The following EYS variants were observed in gnomAD, a reference collection of about 807,000 sequenced individuals.
The protein encoded by EYS is protein eyes shut homolog.
EYS carries 250 observed loss-of-function variants against 282.1 expected under a neutral mutation model. The observed-to-expected ratio is 0.89, with a 90% confidence interval of 0.80 to 0.98. The LOEUF (loss-of-function observed/expected upper bound fraction) is 0.98. EYS is among the 50% of genes least tolerant of loss of function. The probability of loss-of-function intolerance (pLI) is 0.00; values close to 1 mark genes in which losing one functional copy is unlikely to be tolerated. For missense variants in EYS, 4,016 were observed against 3,709.0 expected (o/e 1.08, Z -2.15); for synonymous variants, 1,355 against 1,282.9 (o/e 1.06, Z -1.20).
intron 2 of EYS, among the ~76,000 whole-genome samples, chr6:65,632,191 C>T (rs572698359): frequency 6.6e-6 from 1 of 152,130 alleles, no homozygotes; most frequent in Non-Finnish European, 1.5e-5. Flanking sequence ...ATGAAAGTGC[C>T]TGTTACAATG....
intron 22 of EYS, among the ~76,000 whole-genome samples, chr6:64,723,837 G>A (rs929992801): frequency 5.3e-5 from 8 of 152,068 alleles, no homozygotes; most frequent in African/African-American, 1.9e-4. Flanking sequence ...TTAACTCTAT[G>A]TTCCTAGTGA....
At chr6:64,902,003 T>C (rs1269507478) in intron 18 of EYS, 110 bp downstream of exon 18, 2 of 683,590 alleles carry the variant, frequency 2.9e-6, no homozygotes, top group Non-Finnish European at 4.9e-6. Flanking sequence ...CAAGCACAAA[T>C]GTATCAGTGG....
chr6:63,929,394 T>C (rs1764819142), intron 35 of EYS, among the ~76,000 whole-genome samples: 1 of 152,188 alleles, frequency 6.6e-6, no homozygotes, highest in Non-Finnish European at 1.5e-5. Context: ...AAGAAGCAAC[T>C]GATGGAGTGT....
intron 31 of EYS, among the ~76,000 whole-genome samples, chr6:64,198,954 G>T (rs892399198): frequency 6.6e-6 from 1 of 152,156 alleles, no homozygotes; most frequent in African/African-American, 2.4e-5. Flanking sequence ...CAGTGTAAAA[G>T]CGTTCCTATT....
At chr6:63,923,642 G>A (rs945526264) in intron 35 of EYS, among the ~76,000 whole-genome samples, 2 of 152,112 alleles carry the variant, frequency 1.3e-5, no homozygotes, top group Non-Finnish European at 1.5e-5. Flanking sequence ...GGTATATTGC[G>A]TGATGCTGAG....
chr6:65,466,400 G>A (rs68048471), intron 5 of EYS, among the ~76,000 whole-genome samples: 28,364 of 151,938 alleles, frequency 0.19, 3,279 homozygotes, highest in Middle Eastern at 0.3. Context: ...AATATAATAT[G>A]TACCATTTAT....
chr6:63,930,436 A>AT (rs748734896), intron 35 of EYS, among the ~76,000 whole-genome samples: 53 of 152,306 alleles, frequency 3.5e-4, no homozygotes, highest in Non-Finnish European at 6.5e-4. Flanking sequence ...ATTTAAATGC[A>AT]TCCTGCATAG....
At chr6:65,682,075 T>C (rs774999192) in intron 1 of EYS, among the ~76,000 whole-genome samples, 3 of 151,964 alleles carry the variant, frequency 2.0e-5, no homozygotes, top group Non-Finnish European at 2.9e-5. Context: ...TTGAGTTCAA[T>C]CTCTCCCCTA....
intron 41 of EYS, among the ~76,000 whole-genome samples, chr6:63,748,425 C>T (rs1769263007): frequency 6.6e-6 from 1 of 152,134 alleles, no homozygotes; most frequent in South Asian, 2.1e-4. Flanking sequence ...CAATGTTTAT[C>T]AAGGATATTG....
intron 10 of EYS, among the ~76,000 whole-genome samples, chr6:65,339,775 G>C (rs965734129): frequency 6.6e-6 from 1 of 151,174 alleles, no homozygotes; most frequent in African/African-American, 2.4e-5. Context: ...AGGGAAGTAA[G>C]AGTACTATTT....
chr6:64,144,633 G>A (rs941581670), intron 31 of EYS, among the ~76,000 whole-genome samples: 1 of 152,128 alleles, frequency 6.6e-6, no homozygotes, highest in Non-Finnish European at 1.5e-5. Context: ...GCATGAAAGT[G>A]AACACTTGTT....
At chr6:63,786,903 C>T (rs1287685231) in intron 39 of EYS, among the ~76,000 whole-genome samples, 13 of 152,084 alleles carry the variant, frequency 8.5e-5, no homozygotes, top group Admixed American at 7.9e-4. Context: ...ATTTATGGTA[C>T]AGTTGCAATT....
rs556684314 is a variant in EYS at position 65,266,483 on chromosome 6, A to C, written c.2023+29380T>G. On this transcript the variant is annotated intron_variant, in intron 12 of 42. Transcript: ENST00000503581. Reference sequence around the variant, plus strand: ...CAAAGATTTGTTGCATGCATGCATGAATGAATGAATGAATGAATGGATGAA... The same window carrying C: ...CAAAGATTTGTTGCATGCATGCATGCATGAATGAATGAATGAATGGATGAA... 4.6e-5 allele frequency among the ~76,000 whole-genome samples: 7 copies of C among 151,944 alleles called. No individual in the cohort carries two copies. In the East Asian group the frequency reaches 5.8e-4, roughly 13 times the overall value.
intron 19 of EYS, among the ~76,000 whole-genome samples, chr6:64,878,530 T>G (rs549430139): frequency 6.6e-6 from 1 of 152,056 alleles, no homozygotes; most frequent in South Asian, 2.1e-4. Flanking sequence ...AGAAGCAGGA[T>G]TGTCAGGCAG....
At chr6:65,574,082 G>T (rs1372361796) in intron 2 of EYS, among the ~76,000 whole-genome samples, 1 of 152,108 alleles carries the variant, frequency 6.6e-6, no homozygotes, top group Non-Finnish European at 1.5e-5. Context: ...AGGCACTAGT[G>T]CTATTACTGC....
At chr6:64,290,229 T>A (rs1363360479) in intron 30 of EYS, among the ~76,000 whole-genome samples, 5 of 152,150 alleles carry the variant, frequency 3.3e-5, no homozygotes, top group Non-Finnish European at 7.4e-5. Flanking sequence ...TAACTCCCTC[T>A]TTTATTATAA....
chr6:64,553,550 C>CA (rs1562058444), intron 26 of EYS, among the ~76,000 whole-genome samples: 1 of 126,624 alleles, frequency 7.9e-6, no homozygotes, highest in Non-Finnish European at 1.7e-5. Context: ...GTTTGACCCC[C>CA]CCCCCCCCAT....
At chr6:63,904,968 T>C (rs1773739777) in intron 35 of EYS, among the ~76,000 whole-genome samples, 1 of 152,238 alleles carries the variant, frequency 6.6e-6, no homozygotes, top group African/African-American at 2.4e-5. Flanking sequence ...TACATTCACA[T>C]TGTTGTGCAA....
chr6:63,762,341 G>T, intron 41 of EYS, 120 bp downstream of exon 41: 1 of 889,644 alleles, frequency 1.1e-6, no homozygotes, highest in Non-Finnish European at 1.7e-6. Flanking sequence ...AGAAAAAGAG[G>T]ACAGTGGATT....
Sources: gnomAD v4.1 joint callset for allele counts (sites outside exome capture counted in the v4.1 genomes callset) on GRCh38, gnomAD v4.1.1 for gene constraint, MANE v1.5 for transcripts, NCBI Gene and HGNC (gene_info 2026-07-23, HGNC 2026-07-21) for gene names.